Variants in ADAM12 observed in about 807,000 individuals in gnomAD.
ADAM12 encodes the protein ADAM metallopeptidase domain 12.
A neutral mutation model predicts 106.4 loss-of-function variants in ADAM12; 70 were observed. The ratio of observed to expected loss-of-function variants is 0.66; its 90% CI spans 0.54 to 0.80. The LOEUF is 0.80. Ranked by LOEUF, ADAM12 falls within the 30% of genes least tolerant of loss-of-function variation. The pLI, the probability that ADAM12 is intolerant of heterozygous loss-of-function variation, is 0.00. For synonymous variants in ADAM12, 420 were observed against 433.5 expected, an observed-to-expected ratio of 0.97 and a Z score of 0.39; for missense variants, 1,010 against 1,171.9, an observed-to-expected ratio of 0.86 and a Z score of 2.02.
intron 3 of ADAM12, among the ~76,000 whole-genome samples, chr10:126,255,390 C>T (rs1958870277): frequency 1.3e-5 from 2 of 152,096 alleles, no homozygotes; most frequent in South Asian, 2.1e-4. Flanking sequence ...GTCCAGCTCT[C>T]GTTCGCATTC....
At chr10:126,116,340 G>A (rs899939886) in intron 6 of ADAM12, among the ~76,000 whole-genome samples, 2 of 152,120 alleles carry the variant, frequency 1.3e-5, no homozygotes, top group Non-Finnish European at 2.9e-5. Context: ...GTTTATGACC[G>A]GTAAAGCTAC....
intron 3 of ADAM12, among the ~76,000 whole-genome samples, chr10:126,206,895 G>A (rs985077609): frequency 6.8e-6 from 1 of 147,838 alleles, no homozygotes; most frequent in Non-Finnish European, 1.5e-5. Context: ...TGAATCATGG[G>A]GGCAGATCTT....
intron 5 of ADAM12, among the ~76,000 whole-genome samples, chr10:126,131,401 C>T (rs1269839045): frequency 2.6e-5 from 4 of 152,080 alleles, no homozygotes; most frequent in Non-Finnish European, 4.4e-5. Context: ...GCATGGAAGC[C>T]TCATGCTGCC....
chr10:126,333,208 C>T (rs1385453470), intron 1 of ADAM12, among the ~76,000 whole-genome samples: 1 of 152,182 alleles, frequency 6.6e-6, no homozygotes, highest in Non-Finnish European at 1.5e-5. Context: ...GCTGAGTTTC[C>T]AACACAAGTG....
At position 126,053,656 on chromosome 10, in the gene ADAM12, C is replaced by T. The variant is rs6597732; in HGVS notation, c.1610-3987G>A. Among the ~76,000 whole-genome samples, 2,837 of 152,172 alleles carry T rather than the reference C, an allele frequency of 0.019. 85 individuals carry two copies. Among genetic ancestry groups the T allele is most frequent in the African/African-American group, 0.065 (2,716 of 41,512 alleles). ...TTAGATTGTCTTAAAAAAAAAACCTCTCCCACACCGTGGAACAATTTTACT... is the reference window on the plus strand; with the variant it reads ...TTAGATTGTCTTAAAAAAAAAACCTTTCCCACACCGTGGAACAATTTTACT... On this transcript the variant is annotated intron_variant, in intron 14 of 22. Transcript: ENST00000448723. The surrounding 1 kb of genome is among the most constrained non-coding windows in gnomAD (Gnocchi z 4.6).
chr10:126,382,574 T>C (rs1438868837), intron 1 of ADAM12, among the ~76,000 whole-genome samples: 5 of 152,264 alleles, frequency 3.3e-5, no homozygotes, highest in Non-Finnish European at 7.3e-5. Context: ...CTAAGAAAAA[T>C]AGAGTCTGTG....
chr10:126,099,001 A>T (rs1382084597), intron 9 of ADAM12, among the ~76,000 whole-genome samples: 1 of 152,198 alleles, frequency 6.6e-6, no homozygotes, highest in Non-Finnish European at 1.5e-5. Context: ...TGGGCAGAAA[A>T]ATTATCAACC....
intron 14 of ADAM12, among the ~76,000 whole-genome samples, chr10:126,054,045 C>T (rs978065017): frequency 1.3e-5 from 2 of 152,170 alleles, no homozygotes; most frequent in African/African-American, 4.8e-5. Context: ...ACATTCCCTG[C>T]ACTTCCGGCT....
chr10:126,260,877 T>C lies in ADAM12; in HGVS notation c.260+18038A>G, dbSNP rs555285940. 6.7e-4 allele frequency among the ~76,000 whole-genome samples: 102 copies of C among 152,370 alleles called. 1 individual carries two copies. Among genetic ancestry groups the C allele is most frequent in the African/African-American group, 2.3e-3 (95 of 41,588 alleles). ...TGACATATATATTGAGCTTTATATT[T>C]ATGTCCATACAATTGGCCCTCCGCA... is the stretch of plus-strand genomic sequence containing the variant. On this transcript the variant is annotated intron_variant, in intron 3 of 22. Coordinates refer to ENST00000448723, the MANE Select transcript of ADAM12 (RefSeq NM_001288973.2).
chr10:126,028,979 T>C lies in ADAM12; in HGVS notation c.2529+7167A>G, dbSNP rs57362029. On this transcript the variant is annotated intron_variant, in intron 21 of 22. Coordinates refer to ENST00000448723, the MANE Select transcript of ADAM12 (RefSeq NM_001288973.2). The stretch of plus-strand genomic sequence containing the variant: ...GACACTTCTCAAAAGAAGACATTCA[T>C]GGAGCCAACAAACATGAAAAAAAGC... 7.3e-3 allele frequency among the ~76,000 whole-genome samples: 1,105 copies of C among 152,290 alleles called. 12 individuals are homozygous for C. The highest frequency in any genetic ancestry group is 0.023 in the African/African-American group (948 of 41,564).
chr10:126,353,072 G>T (rs1293329687), intron 1 of ADAM12, among the ~76,000 whole-genome samples: 1 of 152,108 alleles, frequency 6.6e-6, no homozygotes, highest in Admixed American at 6.5e-5. Context: ...TCCCATTCGT[G>T]GAACATCAGA....
intron 3 of ADAM12, among the ~76,000 whole-genome samples, chr10:126,252,772 C>T (rs759075198): frequency 2.6e-5 from 4 of 152,080 alleles, no homozygotes; most frequent in African/African-American, 9.7e-5. Flanking sequence ...CCCGCTTTCT[C>T]GGTGTCTGTT....
At chr10:126,232,987 C>T (rs1261813783) in intron 3 of ADAM12, among the ~76,000 whole-genome samples, 1 of 152,010 alleles carries the variant, frequency 6.6e-6, no homozygotes, top group Non-Finnish European at 1.5e-5. Flanking sequence ...TGTGGCATCT[C>T]GATATGTTTC....
At chr10:126,373,275 G>A (rs887029083) in intron 1 of ADAM12, among the ~76,000 whole-genome samples, 2 of 152,176 alleles carry the variant, frequency 1.3e-5, no homozygotes, top group Non-Finnish European at 2.9e-5. Flanking sequence ...GCGGCTTCTG[G>A]GAGTGGATGT....
In ADAM12 at chr10:126,121,111, GTATATATATAGTATATATACTATATAC is replaced by G. The variant is rs1371051168; in HGVS notation, c.417-2914_417-2888del. Among the ~76,000 whole-genome samples the G allele has an allele frequency of 1.7e-4, 4 of 23,772 alleles. No homozygotes were observed. In the East Asian group the frequency reaches 5.1e-3, roughly 30 times the overall value. The allele number at this position is 23,772 out of a possible 152,430, so 15.6% of individuals were successfully genotyped here. The stretch of plus-strand genomic sequence containing the variant: ...TGTATAATATACTATATTATATATA[GTATATATATAGTATATATACTATATAC>G]TATATATACTATATATACTATATAT... On this transcript the variant is annotated intron_variant, in intron 5 of 22. Coordinates refer to ENST00000448723, the MANE Select transcript of ADAM12 (RefSeq NM_001288973.2).
At chr10:126,162,752 C>T (rs974166035) in intron 3 of ADAM12, among the ~76,000 whole-genome samples, 10 of 152,172 alleles carry the variant, frequency 6.6e-5, no homozygotes, top group Admixed American at 3.3e-4. Context: ...GCGTAACAGA[C>T]TGAGGACTCT....
intron 11 of ADAM12, among the ~76,000 whole-genome samples, chr10:126,092,146 T>G (rs548799550): frequency 6.6e-6 from 1 of 152,320 alleles, no homozygotes; most frequent in South Asian, 2.1e-4. Context: ...TAAAAAACAT[T>G]AACAATATTA....
chr10:126,095,095 C>T (rs1955531799), intron 10 of ADAM12, among the ~76,000 whole-genome samples: 1 of 152,186 alleles, frequency 6.6e-6, no homozygotes, highest in Admixed American at 6.5e-5. Flanking sequence ...TTGAATCTTG[C>T]TTTGTGCTAC....
chr10:126,385,853 A>C (rs958461973), intron 1 of ADAM12, among the ~76,000 whole-genome samples: 4 of 152,158 alleles, frequency 2.6e-5, no homozygotes, highest in African/African-American at 9.7e-5. Flanking sequence ...TAGACAGGAA[A>C]CTTGAATGCT....
Sources: gnomAD v4.1 joint callset for allele counts (sites outside exome capture counted in the v4.1 genomes callset) on GRCh38, gnomAD v4.1.1 for gene constraint, Gnocchi (gnomAD v3.1) non-coding constraint, MANE v1.5 for transcripts, NCBI Gene and HGNC (gene_info 2026-07-23, HGNC 2026-07-21) for gene names.